PVT1: variants seen among roughly 807,000 people sequenced by gnomAD.
The protein encoded by PVT1 is Pvt1 oncogene.
At chr8:127,840,508 T>A (rs1054204785) in intron 2 of PVT1, among the ~76,000 whole-genome samples, 4 of 152,244 alleles carry the variant, frequency 2.6e-5, no homozygotes, top group Non-Finnish European at 4.4e-5. Flanking sequence ...GGAAAACTTT[T>A]ACAGGCCGTC....
chr8:127,952,979 T>G (rs1044243190), intron 3 of PVT1, among the ~76,000 whole-genome samples: 1 of 152,132 alleles, frequency 6.6e-6, no homozygotes, highest in Non-Finnish European at 1.5e-5. Context: ...TTGGCCAGGA[T>G]GGTCTCGATC....
At chr8:127,864,379 C>G (rs1815261544) in intron 2 of PVT1, among the ~76,000 whole-genome samples, 1 of 152,084 alleles carries the variant, frequency 6.6e-6, no homozygotes, top group Non-Finnish European at 1.5e-5. Context: ...TAAAATGGAG[C>G]TAATGAGGCC....
At chr8:128,049,142 GC>G (rs1405493731) in intron 4 of PVT1, 1 of 527,024 alleles carries the variant, frequency 1.9e-6, no homozygotes, top group East Asian at 5.5e-5. Flanking sequence ...TGGCCGCCAG[GC>G]CTCCATGTGC....
At chr8:128,044,032 T>TTTTTTTG (rs1813582413) in intron 4 of PVT1, among the ~76,000 whole-genome samples, 1 of 126,520 alleles carries the variant, frequency 7.9e-6, no homozygotes, top group African/African-American at 2.9e-5. Context: ...TTTTTTTTTG[T>TTTTTTTG]AGAGAAGGGG....
At chr8:127,808,093 G>C (rs1363377984) in intron 2 of PVT1, among the ~76,000 whole-genome samples, 1 of 152,014 alleles carries the variant, frequency 6.6e-6, no homozygotes, top group African/African-American at 2.4e-5. Context: ...TGTCACCCAG[G>C]CTGGAATGTA....
At chr8:127,968,025 AT>A (rs541648458) in intron 3 of PVT1, among the ~76,000 whole-genome samples, 2 of 152,180 alleles carry the variant, frequency 1.3e-5, no homozygotes, top group Non-Finnish European at 2.9e-5. Flanking sequence ...CTTTGTTCAC[AT>A]TTGTGCTCAG....
intron 3 of PVT1, among the ~76,000 whole-genome samples, chr8:127,987,285 T>A (rs2129992380): frequency 6.6e-6 from 1 of 152,294 alleles, no homozygotes; most frequent in Non-Finnish European, 1.5e-5. Context: ...ACGGGTAGTG[T>A]TTGAATCCAC....
At chr8:127,986,622 T>C (rs1227824240) in intron 3 of PVT1, among the ~76,000 whole-genome samples, 1 of 152,198 alleles carries the variant, frequency 6.6e-6, no homozygotes, top group East Asian at 1.9e-4. Context: ...GGCATATTTC[T>C]GAGCAAGTTC....
chr8:127,939,645 C>G (rs532394386), intron 3 of PVT1: 1 of 152,326 alleles, frequency 6.6e-6, no homozygotes, highest in Admixed American at 6.5e-5. Flanking sequence ...TGGTGTTCCC[C>G]TTTTACTGCC....
chr8:127,920,193 C>T (rs1420717256), intron 3 of PVT1, among the ~76,000 whole-genome samples: 1 of 152,246 alleles, frequency 6.6e-6, no homozygotes, highest in Non-Finnish European at 1.5e-5. Context: ...CAATGATAAT[C>T]AGTCATTTAC....
At chr8:128,046,955 TC>T (rs1242958702) in intron 4 of PVT1, among the ~76,000 whole-genome samples, 1 of 152,170 alleles carries the variant, frequency 6.6e-6, no homozygotes, top group Non-Finnish European at 1.5e-5. Flanking sequence ...GCCTTCACGG[TC>T]CCCCACAGTG....
chr8:128,083,596 G>A (rs1814218174), intron 5 of PVT1, among the ~76,000 whole-genome samples: 1 of 152,252 alleles, frequency 6.6e-6, no homozygotes, highest in South Asian at 2.1e-4. Flanking sequence ...ATGCAAATGG[G>A]CTTGGGTCTC....
chr8:127,798,528 C>T (rs1332840795), intron 2 of PVT1, among the ~76,000 whole-genome samples: 1 of 151,738 alleles, frequency 6.6e-6, no homozygotes, highest in Non-Finnish European at 1.5e-5. Flanking sequence ...AAAGTTTGGG[C>T]TGTGGGTGTG....
At chr8:127,830,319 A>T (rs1242813505) in intron 2 of PVT1, among the ~76,000 whole-genome samples, 1 of 152,146 alleles carries the variant, frequency 6.6e-6, no homozygotes, top group East Asian at 1.9e-4. Context: ...CACGAGGGCC[A>T]GATAGCAGAA....
chr8:128,067,062 C>G (rs1299775987), intron 4 of PVT1, among the ~76,000 whole-genome samples: 1 of 152,178 alleles, frequency 6.6e-6, no homozygotes, highest in Non-Finnish European at 1.5e-5. Flanking sequence ...TCCTTTGCAG[C>G]CACAGTGACC....
intron 4 of PVT1, among the ~76,000 whole-genome samples, chr8:128,056,626 A>G (rs1813765738): frequency 6.6e-6 from 1 of 152,106 alleles, no homozygotes; most frequent in Non-Finnish European, 1.5e-5. Flanking sequence ...CCCGAGGCCA[A>G]TGCCTAGTGC....
At chr8:128,045,250 C>T (rs1194539450) in intron 4 of PVT1, among the ~76,000 whole-genome samples, 2 of 152,210 alleles carry the variant, frequency 1.3e-5, no homozygotes, top group East Asian at 1.9e-4. Flanking sequence ...TTCATGTGGC[C>T]GACCAACTCT....
At chr8:127,850,383 A>C (rs1026733531) in intron 2 of PVT1, among the ~76,000 whole-genome samples, 2 of 152,212 alleles carry the variant, frequency 1.3e-5, no homozygotes, top group Non-Finnish European at 2.9e-5. Flanking sequence ...CTGGAAACTC[A>C]GGCCACCAGC....
intron 2 of PVT1, chr8:127,796,150 GTTAAGAGTGGC>G (rs945160804): frequency 6.0e-6 from 1 of 167,462 alleles, no homozygotes; most frequent in African/African-American, 2.4e-5. Context: ...GTTTTGCCTG[GTTAAGAGTGGC>G]TTATTCTTGT....
Sources: allele counts gnomAD v4.1 joint callset (sites outside exome capture counted in the v4.1 genomes callset), GRCh38; gene constraint gnomAD v4.1.1; transcripts MANE v1.5; gene names NCBI Gene and HGNC (gene_info 2026-07-23, HGNC 2026-07-21).